DGKH: variants seen among roughly 807,000 people sequenced by gnomAD.
DGKH encodes the protein diacylglycerol kinase eta, also known as DAG kinase eta.
In DGKH, 90 loss-of-function variants were observed where a neutral mutation model predicts 159.3. That is an observed-to-expected ratio of 0.57 (90% CI 0.48 to 0.67). The LOEUF is 0.67. Ranked by LOEUF, DGKH falls within the 30% of genes least tolerant of loss-of-function variation. DGKH has a pLI of 0.00. For missense variants in DGKH, 1,181 were observed against 1,506.1 expected, an observed-to-expected ratio of 0.78 and a Z score of 3.57; for synonymous variants, 536 against 553.8, an observed-to-expected ratio of 0.97 and a Z score of 0.45.
rs1291369442 is a variant in DGKH at position 42,178,239 on chromosome 13, G to A, written c.1538+19G>A. On this transcript the variant is annotated intron_variant, in intron 13 of 29. Transcript: ENST00000337343. ...CTGCCAAGTGAGTTGTGGGTTTTAAGTCTTTAAATATGGTGAAAATGAAAT... is the reference window on the plus strand; with the variant it reads ...CTGCCAAGTGAGTTGTGGGTTTTAAATCTTTAAATATGGTGAAAATGAAAT... The A allele has an allele frequency of 5.8e-6, 9 of 1,561,846 alleles. No individual in the cohort carries two copies. Among genetic ancestry groups the A allele is most frequent in the Middle Eastern group, 1.7e-4 (1 of 5,786 alleles).
chr13:42,073,857 ATTGAAATGTGG>A (rs1883134113), intron 1 of DGKH, among the ~76,000 whole-genome samples: 1 of 152,186 alleles, frequency 6.6e-6, no homozygotes, highest in Admixed American at 6.5e-5. Context: ...TGAGCTGAGT[ATTGAAATGTGG>A]TTAATGACAG....
chr13:42,140,596 G>T (rs766058229), intron 3 of DGKH: 2 of 152,190 alleles, frequency 1.3e-5, no homozygotes, highest in Non-Finnish European at 1.5e-5. Context: ...TTATACAGAG[G>T]CTTCTAAGCT....
chr13:42,184,985 C>T (rs1159103555), intron 13 of DGKH, among the ~76,000 whole-genome samples: 1 of 151,534 alleles, frequency 6.6e-6, no homozygotes, highest in Non-Finnish European at 1.5e-5. Context: ...ATTTATTTGA[C>T]TTTTGCACAT....
Position 42,230,874 on chromosome 13 carries a change from T to A in DGKH, c.*1686T>A, listed in dbSNP as rs1180737466. 2 of 152,040 alleles carry A rather than the reference T, an allele frequency of 1.3e-5. No homozygotes were observed. The highest frequency in any genetic ancestry group is 2.9e-5 in the Non-Finnish European group (2 of 67,998). The allele number at this position is 152,040 out of a possible 1,614,324, so 9.4% of individuals were successfully genotyped here. Reference sequence around the variant, plus strand: ...ATATTATTTAATTACATCAAAGGAGTTTAACTGTTTGACACTTTACTCTTG... The same window carrying A: ...ATATTATTTAATTACATCAAAGGAGATTAACTGTTTGACACTTTACTCTTG... On this transcript the variant is annotated 3_prime_UTR_variant, in exon 30 of 30. Transcript: ENST00000337343.
upstream of DGKH, among the ~76,000 whole-genome samples, chr13:42,048,318 G>A (rs545045548): frequency 2.0e-4 from 28 of 141,122 alleles, no homozygotes; most frequent in African/African-American, 5.1e-4. The surrounding 1 kb of genome is among the most constrained non-coding windows in gnomAD (Gnocchi z 6.7). Flanking sequence ...CGTTGCCCCT[G>A]CTGTCCAGAA....
intron 29 of DGKH, among the ~76,000 whole-genome samples, chr13:42,226,345 G>T (rs9594714): frequency 0.23 from 35,236 of 152,090 alleles, 4,713 homozygotes; most frequent in Non-Finnish European, 0.31. Flanking sequence ...TACACTGTTG[G>T]TGGGAATGTA....
intron 13 of DGKH, among the ~76,000 whole-genome samples, chr13:42,180,635 G>T (rs1956727191): frequency 6.6e-6 from 1 of 152,094 alleles, no homozygotes; most frequent in South Asian, 2.1e-4. Flanking sequence ...CTAGCTTTGG[G>T]TTTCTCCCTA....
intron 13 of DGKH, among the ~76,000 whole-genome samples, chr13:42,184,244 A>G (rs546797699): frequency 5.9e-5 from 9 of 152,310 alleles, no homozygotes; most frequent in African/African-American, 1.9e-4. Context: ...AATTTTTCAG[A>G]TATGATGACC....
rs575958172 is a variant in DGKH at position 42,166,435 on chromosome 13, T to C, written c.959-80T>C. On this transcript the variant is annotated intron_variant, in intron 8 of 29. Transcript: ENST00000337343. Reference sequence around the variant, plus strand: ...TAATGCTCCAGTTTTTATGAATTTATTTTCTTTTCTCTGAATGTTTGCTAA... The same window carrying C: ...TAATGCTCCAGTTTTTATGAATTTACTTTCTTTTCTCTGAATGTTTGCTAA... 133 of 1,272,652 alleles carry C rather than the reference T, an allele frequency of 1.0e-4. No individual in the cohort carries two copies. In the African/African-American group the frequency reaches 1.5e-3, roughly 14 times the overall value. The allele number at this position is 1,272,652 out of a possible 1,614,324, so 78.8% of individuals were successfully genotyped here. A position where few individuals can be genotyped will look rare whatever the true frequency, so the allele number is the denominator to read the frequency against.
At chr13:42,079,505 G>C (rs1954161714) in intron 1 of DGKH, among the ~76,000 whole-genome samples, 1 of 151,928 alleles carries the variant, frequency 6.6e-6, no homozygotes, top group Non-Finnish European at 1.5e-5. Flanking sequence ...ACTAAAAGAG[G>C]GATATTCTTA....
At chr13:42,220,276 TC>T (rs1184685958) in intron 28 of DGKH, among the ~76,000 whole-genome samples, 1 of 152,230 alleles carries the variant, frequency 6.6e-6, no homozygotes, top group African/African-American at 2.4e-5. Context: ...AGTTATATAT[TC>T]CCTTTCTCCT....
chr13:42,190,457 A>G lies in DGKH; in HGVS notation c.1967A>G (p.Tyr656Cys). ...GAACCAGCTAATCAGTCCTCTGATTATGACAGCACAGAAACAGATGAATCT... is the reference window on the plus strand; with the variant it reads ...GAACCAGCTAATCAGTCCTCTGATTGTGACAGCACAGAAACAGATGAATCT... ...PCEPANQSSD[Y>C]DSTETDESKE... The change falls in exon 16 of 30, where the codon TAT becomes TGT. Residue 656 changes from tyrosine (Y) to cysteine (C), a missense_variant. Coordinates refer to ENST00000337343, the MANE Select transcript of DGKH (RefSeq NM_178009.5). 1 of 1,612,302 alleles carries G rather than the reference A, an allele frequency of 6.2e-7. No individual in the cohort carries two copies.
chr13:42,162,574 C>T (rs9525585), intron 7 of DGKH, among the ~76,000 whole-genome samples: 53,780 of 151,934 alleles, frequency 0.35, 10,025 homozygotes, highest in Non-Finnish European at 0.42. Context: ...GAGGCCAAGG[C>T]GGGTGGATCA....
At position 42,237,890 on chromosome 13, in the gene DGKH, A is replaced by G. The variant is rs1326600019; in HGVS notation, c.*8702A>G. The G allele has an allele frequency of 2.6e-5, 4 of 152,250 alleles. No individual in the cohort carries two copies. The highest frequency in any genetic ancestry group is 1.5e-5 in the Non-Finnish European group (1 of 68,048). The allele number at this position is 152,250 out of a possible 1,614,324, so 9.4% of individuals were successfully genotyped here. On this transcript the variant is annotated 3_prime_UTR_variant, in exon 30 of 30. Coordinates refer to ENST00000337343, the MANE Select transcript of DGKH (RefSeq NM_178009.5). ...CCAAGGAGATTTTCTTAAACTTGCT[A>G]AGCCTTTCTTAAACTTGCCAAGTAT...
chr13:42,069,799 T>A (rs998358729), intron 1 of DGKH: 10 of 1,068,474 alleles, frequency 9.4e-6, no homozygotes, highest in Non-Finnish European at 1.4e-5. Context: ...ATATTTGTTT[T>A]CATGATGATC....
chr13:42,144,045 G>A (rs1417433531), intron 3 of DGKH, among the ~76,000 whole-genome samples: 1 of 152,128 alleles, frequency 6.6e-6, no homozygotes, highest in Admixed American at 6.6e-5. Flanking sequence ...CTGGATATTA[G>A]CAAAAGAGAG....
At chr13:42,065,222 A>G (rs1419332582) in intron 1 of DGKH, among the ~76,000 whole-genome samples, 1 of 152,230 alleles carries the variant, frequency 6.6e-6, no homozygotes, top group African/African-American at 2.4e-5. Flanking sequence ...TGGACAAGCC[A>G]GAAACCAGAA....
chr13:42,113,901 G>T (rs573318501), intron 1 of DGKH, among the ~76,000 whole-genome samples: 1 of 152,222 alleles, frequency 6.6e-6, no homozygotes, highest in South Asian at 2.1e-4. Flanking sequence ...CTTTAGGATG[G>T]GGTAAAACAT....
intron 26 of DGKH, among the ~76,000 whole-genome samples, chr13:42,215,941 G>A (rs887692047): frequency 2.0e-5 from 3 of 152,206 alleles, no homozygotes; most frequent in African/African-American, 4.8e-5. Flanking sequence ...TTCGAGAGAC[G>A]TGAGCTTTAT....
Sources: allele counts gnomAD v4.1 joint callset (sites outside exome capture counted in the v4.1 genomes callset), GRCh38; gene constraint gnomAD v4.1.1; non-coding constraint Gnocchi (gnomAD v3.1); transcripts MANE v1.5; gene names NCBI Gene and HGNC (gene_info 2026-07-23, HGNC 2026-07-21).